CNTN1: variants seen among roughly 807,000 people sequenced by gnomAD.
CNTN1 encodes the protein contactin 1, also known as contactin-1.
In CNTN1, 38 loss-of-function variants were observed where a neutral mutation model predicts 126.4. That is an observed-to-expected ratio of 0.30 (90% confidence interval 0.23 to 0.39). The LOEUF (loss-of-function observed/expected upper bound fraction) is 0.39, where lower values mean the gene tolerates loss of function less well. Ranked by LOEUF, CNTN1 falls within the 10% of genes least tolerant of loss-of-function variation. The pLI, the probability that CNTN1 is intolerant of heterozygous loss-of-function variation, is 1.00. For synonymous variants in CNTN1, 413 were observed against 422.6 expected (o/e 0.98, Z 0.28); for missense variants, 1,009 against 1,248.4 (o/e 0.81, Z 2.89).
At chr12:40,739,567 A>G (rs1396874335) in intron 1 of CNTN1, among the ~76,000 whole-genome samples, 6 of 152,056 alleles carry the variant, frequency 3.9e-5, no homozygotes, top group Non-Finnish European at 4.4e-5. Context: ...TTCAAACTTA[A>G]CAGGGAGTCT....
chr12:40,715,604 A>C (rs1457893958), intron 1 of CNTN1, among the ~76,000 whole-genome samples: 1 of 152,140 alleles, frequency 6.6e-6, no homozygotes, highest in Non-Finnish European at 1.5e-5. Flanking sequence ...TTAAGCAATA[A>C]ATCTGTTAGG....
At chr12:40,849,370 A>G (rs1184218434) in intron 1 of CNTN1, among the ~76,000 whole-genome samples, 1 of 152,150 alleles carries the variant, frequency 6.6e-6, no homozygotes, top group Non-Finnish European at 1.5e-5. Context: ...CATTCAGGGA[A>G]AGTAAAACAT....
intron 1 of CNTN1, among the ~76,000 whole-genome samples, chr12:40,840,612 A>T (rs1376654534): frequency 6.6e-6 from 1 of 151,798 alleles, no homozygotes. Context: ...AGTCTCATCA[A>T]TTTTTTTTAA....
Position 40,872,571 on chromosome 12 carries a change from C to CTTTTTTT in CNTN1, c.-76-35773_-76-35767dup, listed in dbSNP as rs35866838. Among the ~76,000 whole-genome samples, 436 of 108,564 alleles carry CTTTTTTT rather than the reference C, an allele frequency of 4.0e-3. 2 individuals are homozygous for CTTTTTTT. Among genetic ancestry groups the CTTTTTTT allele is most frequent in the South Asian group, 5.5e-3 (18 of 3,260 alleles). 71.2% of individuals were successfully genotyped at this position (108,564 alleles called of 152,430 possible). On this transcript the variant is annotated intron_variant, in intron 1 of 23. Transcript: ENST00000551295. ...TGCATGTACTAAGCATTTTTTCTTT[C>CTTTTTTT]TTTTTTTTTTTTTTTTTTTGAGATG...
At chr12:40,860,001 A>G (rs1408879664) in intron 1 of CNTN1, among the ~76,000 whole-genome samples, 1 of 152,102 alleles carries the variant, frequency 6.6e-6, no homozygotes, top group Non-Finnish European at 1.5e-5. Flanking sequence ...TTTCCTTGAA[A>G]TAGAACACCC....
intron 1 of CNTN1, among the ~76,000 whole-genome samples, chr12:40,703,801 G>GGA (rs3041725): frequency 2.0e-5 from 3 of 151,642 alleles, no homozygotes; most frequent in African/African-American, 7.3e-5. Flanking sequence ...GTGAGAGGAG[G>GGA]GAGAGAGAGA....
intron 1 of CNTN1, among the ~76,000 whole-genome samples, chr12:40,834,832 G>A (rs1012408203): frequency 2.0e-5 from 3 of 151,920 alleles, no homozygotes; most frequent in Non-Finnish European, 4.4e-5. Flanking sequence ...TTCTATAGAA[G>A]GAAAATTTTA....
At chr12:40,796,423 C>G (rs553751832) in intron 1 of CNTN1, among the ~76,000 whole-genome samples, 27 of 152,132 alleles carry the variant, frequency 1.8e-4, no homozygotes, top group South Asian at 4.2e-4. Context: ...GAAAAGCAAA[C>G]TTGGAGACTT....
chr12:40,933,078 G>A (rs545781708), intron 7 of CNTN1, among the ~76,000 whole-genome samples: 25 of 150,920 alleles, frequency 1.7e-4, no homozygotes, highest in Admixed American at 3.3e-4. Flanking sequence ...CTTGCCTTGC[G>A]TCTTTCTTTT....
intron 10 of CNTN1, among the ~76,000 whole-genome samples, chr12:40,937,152 C>T (rs1946110075): frequency 1.3e-5 from 2 of 152,000 alleles, no homozygotes; most frequent in South Asian, 2.1e-4. Flanking sequence ...TCCACTTTTC[C>T]ACCCTCTTCC....
At chr12:40,709,202 G>C (rs1043287779) in intron 1 of CNTN1, among the ~76,000 whole-genome samples, 5 of 152,196 alleles carry the variant, frequency 3.3e-5, no homozygotes, top group African/African-American at 1.2e-4. Context: ...AATAACAGCA[G>C]TCTCTTCATA....
At chr12:41,048,665 G>A (rs369831161) in intron 23 of CNTN1, among the ~76,000 whole-genome samples, 113 of 151,192 alleles carry the variant, frequency 7.5e-4, no homozygotes, top group African/African-American at 2.6e-3. Flanking sequence ...TTTAAGGGGG[G>A]AAAATACAAA....
chr12:40,754,342 T>A (rs1333069950), intron 1 of CNTN1, among the ~76,000 whole-genome samples: 1 of 152,118 alleles, frequency 6.6e-6, no homozygotes, highest in Non-Finnish European at 1.5e-5. Context: ...GTCCCTTTTA[T>A]GAAATGACAT....
chr12:40,793,600 C>G (rs1023885565), intron 1 of CNTN1, among the ~76,000 whole-genome samples: 8 of 152,008 alleles, frequency 5.3e-5, no homozygotes, highest in African/African-American at 1.9e-4. Context: ...CTAAATTATG[C>G]CTTACTCTAG....
At position 41,029,179 on chromosome 12, in the gene CNTN1, T is replaced by C. The variant is rs1221466286; in HGVS notation, c.2940T>C (p.Ser980=). ...ACGTTGTGGAGGTTCGCGCGCACAG[T>C]GATGGAGGAGATGGAGTGGTGTCTC... is the stretch of plus-strand genomic sequence containing the variant. ...GEYVVEVRAH[S]DGGDGVVSQV... is the part of the protein sequence containing the mutation. Residue 980 remains serine, a synonymous_variant, in exon 23 of 24, where the codon AGT becomes AGC. Transcript: ENST00000551295. 7 of 1,613,940 alleles carry C rather than the reference T, an allele frequency of 4.3e-6. No homozygotes were observed. Among genetic ancestry groups the C allele is most frequent in the Non-Finnish European group, 5.9e-6 (7 of 1,179,966 alleles).
chr12:40,697,268 T>G (rs1414270179), intron 1 of CNTN1, among the ~76,000 whole-genome samples: 1 of 152,230 alleles, frequency 6.6e-6, no homozygotes, highest in East Asian at 1.9e-4. Context: ...TCATTAACAC[T>G]TGATATTATT....
intron 23 of CNTN1, among the ~76,000 whole-genome samples, chr12:41,036,513 T>A (rs1290464691): frequency 6.6e-6 from 1 of 152,166 alleles, no homozygotes; most frequent in South Asian, 2.1e-4. Context: ...AGTTTCATGG[T>A]ATATAAATTG....
intron 19 of CNTN1, among the ~76,000 whole-genome samples, chr12:41,017,381 C>CAAAA (rs1178250513): frequency 1.3e-5 from 1 of 79,616 alleles, no homozygotes; most frequent in African/African-American, 4.0e-5. Flanking sequence ...GACTCCGTCT[C>CAAAA]AAAAAAAAAA....
intron 23 of CNTN1, among the ~76,000 whole-genome samples, chr12:41,062,602 G>C (rs1188896643): frequency 6.6e-6 from 1 of 152,134 alleles, no homozygotes; most frequent in African/African-American, 2.4e-5. Context: ...AGATTCCTTT[G>C]TTTCAGACAT....
Sources: allele counts gnomAD v4.1 joint callset (sites outside exome capture counted in the v4.1 genomes callset), GRCh38; gene constraint gnomAD v4.1.1; transcripts MANE v1.5; gene names NCBI Gene and HGNC (gene_info 2026-07-23, HGNC 2026-07-21).